Variants in KLHL1 observed in about 807,000 individuals in gnomAD.
KLHL1 encodes kelch like family member 1.
A neutral mutation model predicts 77.7 loss-of-function variants in KLHL1; 47 were observed. The ratio of observed to expected loss-of-function variants is 0.60; its 90% confidence interval spans 0.48 to 0.77. The LOEUF is 0.77. Ranked by LOEUF, KLHL1 falls within the 30% of genes least tolerant of loss-of-function variation. KLHL1 has a pLI of 0.00. For missense variants in KLHL1, 925 were observed against 910.8 expected (o/e 1.02, Z -0.20); for synonymous variants, 360 against 325.2 (o/e 1.11, Z -1.15).
chr13:69,821,820 G>A (rs1276375043), intron 6 of KLHL1, among the ~76,000 whole-genome samples: 2 of 151,826 alleles, frequency 1.3e-5, no homozygotes, highest in East Asian at 1.9e-4. Flanking sequence ...AACTATTTTC[G>A]ACTAACTTTT....
chr13:70,073,449 C>A (rs1308580224), intron 1 of KLHL1, among the ~76,000 whole-genome samples: 1 of 151,940 alleles, frequency 6.6e-6, no homozygotes, highest in East Asian at 1.9e-4. Flanking sequence ...AGGAGATATA[C>A]CTAATGTAAA....
At chr13:70,081,038 T>G (rs1055143451) in intron 1 of KLHL1, among the ~76,000 whole-genome samples, 1 of 152,222 alleles carries the variant, frequency 6.6e-6, no homozygotes, top group Non-Finnish European at 1.5e-5. Flanking sequence ...ACTCTTTGCA[T>G]AAAATCCTTA....
intron 2 of KLHL1, among the ~76,000 whole-genome samples, chr13:69,971,485 C>G (rs554043126): frequency 6.6e-6 from 1 of 152,106 alleles, no homozygotes; most frequent in South Asian, 2.1e-4. Flanking sequence ...AATATAAACT[C>G]TATTTTCACC....
intron 1 of KLHL1, among the ~76,000 whole-genome samples, chr13:70,099,613 T>C (rs990541945): frequency 6.6e-6 from 1 of 152,008 alleles, no homozygotes; most frequent in East Asian, 1.9e-4. Context: ...TTATGCAAAG[T>C]AAGGATAATA....
At chr13:70,102,505 C>T (rs1044031526) in intron 1 of KLHL1, among the ~76,000 whole-genome samples, 2 of 152,058 alleles carry the variant, frequency 1.3e-5, no homozygotes, top group African/African-American at 4.8e-5. Context: ...CAATCTCCAC[C>T]AAGGGAAAAA....
At chr13:70,074,978 A>C (rs1887226724) in intron 1 of KLHL1, among the ~76,000 whole-genome samples, 1 of 152,084 alleles carries the variant, frequency 6.6e-6, no homozygotes, top group Non-Finnish European at 1.5e-5. Context: ...ATTTATAATA[A>C]TGGAGGTGCC....
At chr13:69,939,378 T>TATATACACACACAC (rs1200160699) in intron 4 of KLHL1, among the ~76,000 whole-genome samples, 11 of 70,820 alleles carry the variant, frequency 1.6e-4, no homozygotes, top group African/African-American at 7.0e-4. Context: ...TATATATATA[T>TATATACACACACAC]ACACACACAC....
intron 7 of KLHL1, among the ~76,000 whole-genome samples, chr13:69,782,942 G>A (rs1052112247): frequency 5.9e-5 from 9 of 152,112 alleles, no homozygotes; most frequent in Admixed American, 2.0e-4. Context: ...TCACATGGCC[G>A]GGTACTCCTC....
At chr13:69,786,953 G>T (rs1458415122) in intron 7 of KLHL1, among the ~76,000 whole-genome samples, 1 of 152,196 alleles carries the variant, frequency 6.6e-6, no homozygotes, top group Non-Finnish European at 1.5e-5. Flanking sequence ...TACAAGGGAT[G>T]TGAAGGACCT....
intron 6 of KLHL1, among the ~76,000 whole-genome samples, chr13:69,831,794 A>G (rs1878772237): frequency 6.7e-6 from 1 of 150,344 alleles, no homozygotes; most frequent in South Asian, 2.1e-4. Context: ...ATGTTTTCAA[A>G]TATGCAAGTC....
chr13:69,906,310 T>G (rs2138235592), intron 4 of KLHL1, among the ~76,000 whole-genome samples: 1 of 152,144 alleles, frequency 6.6e-6, no homozygotes, highest in South Asian at 2.1e-4. Flanking sequence ...TCTTTGATTT[T>G]ATTCAGTGGT....
At chr13:69,713,971 A>T (rs2137884120) in intron 9 of KLHL1, among the ~76,000 whole-genome samples, 1 of 152,266 alleles carries the variant, frequency 6.6e-6, no homozygotes, top group East Asian at 1.9e-4. Context: ...CAATATATTC[A>T]GGGTGTTTCA....
At chr13:69,967,429 G>A (rs1321141584) in intron 2 of KLHL1, among the ~76,000 whole-genome samples, 1 of 152,142 alleles carries the variant, frequency 6.6e-6, no homozygotes. Flanking sequence ...AGAATTAGAA[G>A]TGGAATCTGA....
chr13:70,040,478 A>T (rs573951958), intron 1 of KLHL1, among the ~76,000 whole-genome samples: 1 of 152,318 alleles, frequency 6.6e-6, no homozygotes, highest in African/African-American at 2.4e-5. Flanking sequence ...TTCTTATTCC[A>T]TATAGAATTC....
chr13:69,780,356 GAAGA>G (rs1593822410), intron 7 of KLHL1, among the ~76,000 whole-genome samples: 1 of 151,970 alleles, frequency 6.6e-6, no homozygotes, highest in East Asian at 1.9e-4. Context: ...ACAAAACTTT[GAAGA>G]GAGAATCCTT....
chr13:69,743,937 G>T (rs139712475), intron 7 of KLHL1, among the ~76,000 whole-genome samples: 12 of 152,026 alleles, frequency 7.9e-5, no homozygotes, highest in Middle Eastern at 3.5e-3. Flanking sequence ...GAAAGCTTGA[G>T]AACTCTATTT....
chr13:69,899,786 T>C (rs1019280876), intron 4 of KLHL1, among the ~76,000 whole-genome samples: 2 of 152,092 alleles, frequency 1.3e-5, no homozygotes, highest in Admixed American at 6.5e-5. Context: ...ACAAAGAATC[T>C]TTCTTGAGTG....
chr13:69,722,803 C>G (rs1873125706), intron 8 of KLHL1, among the ~76,000 whole-genome samples: 1 of 151,916 alleles, frequency 6.6e-6, no homozygotes, highest in African/African-American at 2.4e-5. Context: ...TATGATCCAG[C>G]AATCTCACTA....
intron 5 of KLHL1, among the ~76,000 whole-genome samples, chr13:69,852,194 A>T (rs1480015957): frequency 6.6e-6 from 1 of 151,946 alleles, no homozygotes; most frequent in Non-Finnish European, 1.5e-5. Context: ...ATCCTTAAGC[A>T]TAGCTTCCTT....
Sources: gnomAD v4.1 joint callset for allele counts (sites outside exome capture counted in the v4.1 genomes callset) on GRCh38, gnomAD v4.1.1 for gene constraint, MANE v1.5 for transcripts, NCBI Gene and HGNC (gene_info 2026-07-23, HGNC 2026-07-21) for gene names.